The following ZNF518B variants were observed in gnomAD, a reference collection of about 807,000 sequenced individuals.
ZNF518B encodes zinc finger protein 518B.
In ZNF518B, 23 loss-of-function variants were observed where a neutral mutation model predicts 56.3. The ratio of observed to expected loss-of-function variants is 0.41; its 90% CI spans 0.29 to 0.58. ZNF518B has a LOEUF of 0.58. Among genes scored for constraint, ZNF518B ranks in the 20% least tolerant of loss-of-function variants. The pLI is 0.32. For synonymous variants in ZNF518B, 529 were observed against 465.9 expected (o/e 1.14, Z -1.74); for missense variants, 1,460 against 1,272.1 (o/e 1.15, Z -2.25).
chr4:10,442,944 A>G lies in ZNF518B; in HGVS notation c.*160T>C. 1 of 631,624 alleles carries G rather than the reference A, an allele frequency of 1.6e-6. No homozygotes were observed. Among genetic ancestry groups the G allele is most frequent in the East Asian group, 2.8e-5 (1 of 36,192 alleles). The allele number at this position is 631,624 out of a possible 1,614,324, so 39.1% of individuals were successfully genotyped here. A position where few individuals can be genotyped will look rare whatever the true frequency, so the allele number is the denominator to read the frequency against. On this transcript the variant is annotated 3_prime_UTR_variant, in exon 3 of 3. Coordinates refer to ENST00000326756, the MANE Select transcript of ZNF518B (RefSeq NM_053042.3). ...AATACATTCTGGGGTCCAATCACAT[A>G]CTTCAGGTTCAGACTCCTAGCTCCC...
intron 1 of ZNF518B, chr4:10,457,054 A>C (rs967629580): frequency 1.3e-5 from 2 of 148,928 alleles, no homozygotes; most frequent in Non-Finnish European, 3.0e-5. Flanking sequence ...GTACCTGCTC[A>C]ACGCGCGCCA....
In ZNF518B at chr4:10,451,495, CAG is replaced by C. The variant is rs1295066295; in HGVS notation, c.-212+3308_-212+3309del. The C allele has an allele frequency of 3.3e-5, 5 of 152,308 alleles. No homozygotes were observed. The East Asian group carries it at 9.6e-4, about 29-fold the overall frequency. The allele number at this position is 152,308 out of a possible 1,614,324, so 9.4% of individuals were successfully genotyped here. On this transcript the variant is annotated intron_variant, in intron 2 of 2. Coordinates refer to ENST00000326756, the MANE Select transcript of ZNF518B (RefSeq NM_053042.3). ...ATAGAAACAGTACCTACCTACCCCACAGAGTTACTGTGAGGATTAAATGACTG... is the reference window on the plus strand; with the variant it reads ...ATAGAAACAGTACCTACCTACCCCACAGTTACTGTGAGGATTAAATGACTG...
chr4:10,448,977 A>T (rs1442187748), intron 2 of ZNF518B, among the ~76,000 whole-genome samples: 1 of 152,228 alleles, frequency 6.6e-6, no homozygotes, highest in Non-Finnish European at 1.5e-5. Flanking sequence ...TCTATTAAAA[A>T]AAGGCCCATG....
At chr4:10,452,306 G>C (rs950593402) in intron 2 of ZNF518B, 21 of 152,074 alleles carry the variant, frequency 1.4e-4, no homozygotes, top group African/African-American at 5.1e-4. Context: ...AAACTTAAAG[G>C]GCGATCAGGA....
In ZNF518B at chr4:10,446,019, T is replaced by G. The variant is rs1173376005; in HGVS notation, c.310A>C (p.Asn104His). The change falls in exon 3 of 3, where the codon AAT (asparagine) becomes CAT (histidine). Residue 104 changes from asparagine (N) to histidine (H), a missense_variant. Coordinates refer to ENST00000326756, the MANE Select transcript of ZNF518B (RefSeq NM_053042.3). ...APPNFHFVSN[N>H]SSATHVGNKT... ...TTTCCAACATGAGTCGCACTGGAAT[T>G]ATTGCTCACAAAATGAAAATTGGGA... 1 of 1,614,038 alleles carries G rather than the reference T, an allele frequency of 6.2e-7. No homozygotes were observed. Among genetic ancestry groups the G allele is most frequent in the Non-Finnish European group, 8.5e-7 (1 of 1,180,040 alleles).
chr4:10,451,147 T>C (rs1007476318), intron 2 of ZNF518B: 1 of 152,184 alleles, frequency 6.6e-6, no homozygotes, highest in Admixed American at 6.5e-5. Context: ...TTGAGCTCAC[T>C]TGCCCTGTTT....
chr4:10,448,467 C>G (rs1241608479), intron 2 of ZNF518B, among the ~76,000 whole-genome samples: 2 of 152,180 alleles, frequency 1.3e-5, no homozygotes, highest in African/African-American at 4.8e-5. Context: ...CAAAATAACA[C>G]ATCATATCTG....
chr4:10,445,365 G>T lies in ZNF518B; in HGVS notation c.964C>A (p.Pro322Thr). 1 of 1,614,198 alleles carries T rather than the reference G, an allele frequency of 6.2e-7. No homozygotes were observed. The highest frequency in any genetic ancestry group is 1.6e-4 in the Middle Eastern group (1 of 6,062). The change falls in exon 3 of 3, where the codon CCT (proline) becomes ACT (threonine). Residue 322 changes from proline to threonine, a missense_variant. Coordinates refer to ENST00000326756, the MANE Select transcript of ZNF518B (RefSeq NM_053042.3). ...GTCAATGGCATACCTGGCTGAACAG[G>T]TTCTTTTGCAGGGGATAACACTTCT... ...EVEVLSPAKE[P>T]VQPGMPLTVV...
In ZNF518B at chr4:10,443,194, A is replaced by G; in HGVS notation, c.3135T>C (p.Tyr1045=). The G allele has an allele frequency of 6.2e-7, 1 of 1,614,238 alleles. No homozygotes were observed. Among genetic ancestry groups the G allele is most frequent in the Non-Finnish European group, 8.5e-7 (1 of 1,180,042 alleles). The change falls in exon 3 of 3, where the codon TAT becomes TAC. Residue 1045 remains tyrosine, a synonymous_variant. Coordinates refer to ENST00000326756, the MANE Select transcript of ZNF518B (RefSeq NM_053042.3). Reference sequence around the variant, plus strand: ...GACTCATCCACTCTTCCTGGTCTTCATACAGTCGCCCACAAAACCAGCACT... The same window carrying G: ...GACTCATCCACTCTTCCTGGTCTTCGTACAGTCGCCCACAAAACCAGCACT... ...VFKCWFCGRL[Y]EDQEEWMSHG...
chr4:10,451,998 T>A (rs1210245754), intron 2 of ZNF518B: 1 of 152,220 alleles, frequency 6.6e-6, no homozygotes, highest in African/African-American at 2.4e-5. Context: ...TACATTTCTG[T>A]TCAGGAGATG....
At position 10,444,914 on chromosome 4, in the gene ZNF518B, T is replaced by C. The variant is rs1472734061; in HGVS notation, c.1415A>G (p.His472Arg). The change falls in exon 3 of 3, where the codon CAT becomes CGT. Residue 472 changes from histidine to arginine, a missense_variant. Physicochemically the swap from His to Arg is conservative, Grantham distance 29. Transcript: ENST00000326756. ...GGCAACGGAAGGAAAAGCAGTTCTA[T>C]GTGGATACAAATTATTTTTTTTCTG... ...DFQKKNNLYP[H>R]RTAFPSVALK... 6.2e-7 allele frequency: 1 copy of C among 1,611,570 alleles called. No individual in the cohort carries two copies. The highest frequency in any genetic ancestry group is 1.7e-5 in the Admixed American group (1 of 59,204).
chr4:10,444,943 ATCC>A lies in ZNF518B; in HGVS notation c.1383_1385del (p.Glu461del), dbSNP rs1270246183. 6.2e-7 allele frequency: 1 copy of A among 1,609,568 alleles called. No individual in the cohort carries two copies. The highest frequency in any genetic ancestry group is 1.3e-5 in the African/African-American group (1 of 74,440). On this transcript the variant is annotated inframe_deletion, in exon 3 of 3. Transcript: ENST00000326756. ...GATACAAATTATTTTTTTTCTGAAA[ATCC>A]TCAATTGTTTCCGAATTAATGAAGG... is the stretch of plus-strand genomic sequence containing the variant.
At chr4:10,449,768 A>C (rs544639885) in intron 2 of ZNF518B, among the ~76,000 whole-genome samples, 2 of 152,338 alleles carry the variant, frequency 1.3e-5, no homozygotes, top group South Asian at 4.1e-4. Flanking sequence ...TTTGAACATA[A>C]CACCCTCTAT....
chr4:10,443,832 T>G lies in ZNF518B; in HGVS notation c.2497A>C (p.Ile833Leu), dbSNP rs761485087. Residue 833 changes from isoleucine to leucine, a missense_variant, in exon 3 of 3, where the codon ATA (isoleucine) becomes CTA (leucine). Ile to Leu is a conservative substitution (Grantham distance 5). Coordinates refer to ENST00000326756, the MANE Select transcript of ZNF518B (RefSeq NM_053042.3). ...GTCTCGATATTTGGGGACATATCTA[T>G]TGGCCCCCTTTCACTTCTTAAAGGC... ...LQPLRSERGP[I>L]DMSPNIETPL... 1.2e-6 allele frequency: 2 copies of G among 1,614,240 alleles called. No homozygotes were observed. Among genetic ancestry groups the G allele is most frequent in the Non-Finnish European group, 1.7e-6 (2 of 1,180,030 alleles).
In ZNF518B at chr4:10,445,798, A is replaced by C; in HGVS notation, c.531T>G (p.Phe177Leu). ...CSYISYTKGE[F>L]QRHLVKHTGI... ...CTGTGTGTTTCACCAAATGCCTCTG[A>C]AACTCTCCTTTCGTATACGAAATGT... is the stretch of plus-strand genomic sequence containing the variant. The change falls in exon 3 of 3, where the codon TTT becomes TTG. Residue 177 changes from phenylalanine to leucine, a missense_variant. By Grantham distance (22) the Phe-to-Leu change is conservative. Coordinates refer to ENST00000326756, the MANE Select transcript of ZNF518B (RefSeq NM_053042.3). 6.2e-7 allele frequency: 1 copy of C among 1,614,212 alleles called. No homozygotes were observed.
intron 2 of ZNF518B, among the ~76,000 whole-genome samples, chr4:10,447,473 G>A (rs944479464): frequency 2.0e-5 from 3 of 152,102 alleles, no homozygotes; most frequent in African/African-American, 7.2e-5. Context: ...ATGAGGAACA[G>A]CAAGGAGAAT....
At chr4:10,454,493 G>T (rs939719238) in intron 2 of ZNF518B, 2 of 152,178 alleles carry the variant, frequency 1.3e-5, no homozygotes, top group Admixed American at 6.5e-5. Flanking sequence ...TCAATGATCT[G>T]ATCAGAGTGC....
In ZNF518B at chr4:10,444,677, T is replaced by C. The variant is rs372882164; in HGVS notation, c.1652A>G (p.Asn551Ser). 2.5e-6 allele frequency: 4 copies of C among 1,614,086 alleles called. No homozygotes were observed. In the African/African-American group the frequency reaches 5.3e-5, roughly 22 times the overall value. ...GEKGLLPVSE[N>S]DLESTSKVNI... ...GACTTTACTTGTAGATTCCAAGTCA[T>C]TTTCACTTACAGGCAATAAGCCCTT... The change falls in exon 3 of 3, where the codon AAT (asparagine) becomes AGT (serine). Residue 551 changes from asparagine (N) to serine (S), a missense_variant. Transcript: ENST00000326756.
In ZNF518B at chr4:10,444,439, G is replaced by C. The variant is rs1266314454; in HGVS notation, c.1890C>G (p.Gly630=). Reference sequence around the variant, plus strand: ...GAGAAAATACTGATGAGATGACTGGGCCATCATTAGTGTTGTTAGTCCTTT... The same window carrying C: ...GAGAAAATACTGATGAGATGACTGGCCCATCATTAGTGTTGTTAGTCCTTT... The part of the protein sequence containing the change: ...NSERTNNTND[G]PVISSVFSLS... Residue 630 remains glycine, a synonymous_variant, in exon 3 of 3, where the codon GGC becomes GGG. Coordinates refer to ENST00000326756, the MANE Select transcript of ZNF518B (RefSeq NM_053042.3). 1 of 1,614,136 alleles carries C rather than the reference G, an allele frequency of 6.2e-7. No homozygotes were observed. Among genetic ancestry groups the C allele is most frequent in the South Asian group, 1.1e-5 (1 of 91,078 alleles).
Sources: gnomAD v4.1 joint callset for allele counts (sites outside exome capture counted in the v4.1 genomes callset) on GRCh38, gnomAD v4.1.1 for gene constraint, MANE v1.5 for transcripts, NCBI Gene and HGNC (gene_info 2026-07-23, HGNC 2026-07-21) for gene names.